The following RAPGEF6 variants were observed in gnomAD, a reference collection of about 807,000 sequenced individuals.
The protein encoded by RAPGEF6 is PDZ domain containing guanine nucleotide exchange factor (GEF) 2.
RAPGEF6 carries 56 observed loss-of-function variants against 171.4 expected under a neutral mutation model. The ratio of observed to expected loss-of-function variants is 0.33; its 90% confidence interval spans 0.26 to 0.41. The LOEUF (loss-of-function observed/expected upper bound fraction) is 0.41. Among genes scored for constraint, RAPGEF6 ranks in the 10% least tolerant of loss-of-function variants. RAPGEF6 has a pLI of 1.00. For missense variants in RAPGEF6, 1,674 were observed against 1,921.4 expected (o/e 0.87, Z 2.41); for synonymous variants, 692 against 650.1 (o/e 1.06, Z -0.98).
intron 19 of RAPGEF6, among the ~76,000 whole-genome samples, chr5:131,458,193 A>G (rs1006613423): frequency 6.6e-6 from 1 of 152,212 alleles, no homozygotes; most frequent in Non-Finnish European, 1.5e-5. Flanking sequence ...TGGAATTGTA[A>G]TCCCCACATG....
intron 12 of RAPGEF6, among the ~76,000 whole-genome samples, chr5:131,498,192 AT>A (rs1442743284): frequency 6.6e-6 from 1 of 152,202 alleles, no homozygotes; most frequent in Non-Finnish European, 1.5e-5. Context: ...TGTAACTATT[AT>A]GTTTCCTGAA....
At position 131,525,733 on chromosome 5, in the gene RAPGEF6, G is replaced by A. The variant is rs145753616; in HGVS notation, c.496-4212C>T. Among the ~76,000 whole-genome samples the A allele has an allele frequency of 1.6e-3, 247 of 152,204 alleles. 1 individual carries two copies. Among genetic ancestry groups the A allele is most frequent in the African/African-American group, 5.7e-3 (237 of 41,532 alleles). Reference sequence around the variant, plus strand: ...CACTGAAAATAGTTTCAAAATGTGTGGTGTTTGGTTGGGGTGTCAGGGGTA... The same window carrying A: ...CACTGAAAATAGTTTCAAAATGTGTAGTGTTTGGTTGGGGTGTCAGGGGTA... On this transcript the variant is annotated intron_variant, in intron 6 of 27. Coordinates refer to ENST00000509018, the MANE Select transcript of RAPGEF6 (RefSeq NM_016340.6).
At chr5:131,448,849 T>C (rs566539193) in intron 21 of RAPGEF6, among the ~76,000 whole-genome samples, 4 of 152,126 alleles carry the variant, frequency 2.6e-5, no homozygotes, top group African/African-American at 9.7e-5. Flanking sequence ...TTCTTTATAA[T>C]AGTAATGCCA....
intron 16 of RAPGEF6, among the ~76,000 whole-genome samples, chr5:131,479,261 T>A (rs1363434130): frequency 6.6e-6 from 1 of 151,920 alleles, no homozygotes; most frequent in African/African-American, 2.4e-5. Flanking sequence ...TATTTAAAAA[T>A]GGATTTCATA....
At chr5:131,620,123 C>T (rs1765515088) in intron 1 of RAPGEF6, among the ~76,000 whole-genome samples, 1 of 152,096 alleles carries the variant, frequency 6.6e-6, no homozygotes, top group Non-Finnish European at 1.5e-5. Context: ...ATTTTGGGTC[C>T]ATCTGCTCCA....
chr5:131,589,974 T>C (rs1285225229), intron 4 of RAPGEF6, among the ~76,000 whole-genome samples: 1 of 152,236 alleles, frequency 6.6e-6, no homozygotes, highest in Non-Finnish European at 1.5e-5. Context: ...GTCTCAACTC[T>C]AGTCGTGAGG....
Position 131,464,294 on chromosome 5 carries a change from A to G in RAPGEF6, c.2240-13T>C. On this transcript the variant is annotated splice_polypyrimidine_tract_variant and intron_variant, in intron 17 of 27. Transcript: ENST00000509018. Reference sequence around the variant, plus strand: ...TGATCAGGGATATCTACATAAATAGAAAGATATGCTTTGTTATTTTTTAAA... The same window carrying G: ...TGATCAGGGATATCTACATAAATAGGAAGATATGCTTTGTTATTTTTTAAA... 6.3e-7 allele frequency: 1 copy of G among 1,599,286 alleles called. No homozygotes were observed. The highest frequency in any genetic ancestry group is 8.6e-7 in the Non-Finnish European group (1 of 1,168,274).
chr5:131,572,224 G>A (rs1486454207), intron 4 of RAPGEF6, among the ~76,000 whole-genome samples: 5 of 152,042 alleles, frequency 3.3e-5, no homozygotes, highest in South Asian at 2.1e-4. Context: ...CTGTCCTCAC[G>A]CTCCCTCCGT....
chr5:131,618,516 C>G (rs1765410887), intron 1 of RAPGEF6, among the ~76,000 whole-genome samples: 1 of 151,942 alleles, frequency 6.6e-6, no homozygotes, highest in Non-Finnish European at 1.5e-5. Flanking sequence ...CACATGCCTG[C>G]AGACTCAGCT....
At chr5:131,482,721 T>A (rs1755575913) in intron 15 of RAPGEF6, among the ~76,000 whole-genome samples, 1 of 152,220 alleles carries the variant, frequency 6.6e-6, no homozygotes, top group South Asian at 2.1e-4. Context: ...ACAGTCAGTC[T>A]AAGACGCATA....
At chr5:131,468,110 G>A (rs1430632125) in intron 17 of RAPGEF6, among the ~76,000 whole-genome samples, 2 of 151,372 alleles carry the variant, frequency 1.3e-5, no homozygotes, top group Admixed American at 1.3e-4. Context: ...GGCGGATCAC[G>A]AGGTCAGGAG....
At chr5:131,478,160 T>C (rs1384227539) in intron 16 of RAPGEF6, among the ~76,000 whole-genome samples, 1 of 152,148 alleles carries the variant, frequency 6.6e-6, no homozygotes, top group Non-Finnish European at 1.5e-5. Flanking sequence ...AGTTCCAAAT[T>C]AAATGAGGAG....
intron 11 of RAPGEF6, among the ~76,000 whole-genome samples, chr5:131,499,761 TCAATTTGTTGCAGTCATCCAAA>T (rs988155000): frequency 1.3e-5 from 2 of 152,126 alleles, no homozygotes; most frequent in African/African-American, 4.8e-5. Flanking sequence ...CACCCAACCT[TCAATTTGTTGCAGTCATCCAAA>T]CAATTTCATT....
chr5:131,533,745 T>G (rs1038599504), intron 6 of RAPGEF6, among the ~76,000 whole-genome samples: 1 of 152,038 alleles, frequency 6.6e-6, no homozygotes, highest in African/African-American at 2.4e-5. Flanking sequence ...CATGGTACTT[T>G]CCTGTAGCCC....
chr5:131,603,232 TAA>T (rs1764357342), intron 3 of RAPGEF6, 37 bp downstream of exon 3: 1 of 1,417,248 alleles, frequency 7.1e-7, no homozygotes, highest in African/African-American at 1.4e-5. Flanking sequence ...AATTTAAACA[TAA>T]AAGTCATTAG....
At chr5:131,598,561 A>C (rs1264127441) in intron 3 of RAPGEF6, among the ~76,000 whole-genome samples, 1 of 152,222 alleles carries the variant, frequency 6.6e-6, no homozygotes, top group Non-Finnish European at 1.5e-5. Flanking sequence ...AGTCAGAGGA[A>C]AAAACATATT....
rs150101053 is a variant in RAPGEF6 at position 131,428,984 on chromosome 5, A to C, written c.4698T>G (p.Ile1566Met). The change falls in exon 27 of 28, where the codon ATT becomes ATG. Residue 1566 changes from isoleucine (I) to methionine (M), a missense_variant. By Grantham distance (10) the Ile-to-Met change is conservative. This residue lies in a region of RAPGEF6 where 552 missense variants were observed against 574.2 expected (regional missense o/e 0.96). Coordinates refer to ENST00000509018, the MANE Select transcript of RAPGEF6 (RefSeq NM_016340.6). ...SNLVACVPSK[I>M]VTQPQRHNLQ... is the part of the protein sequence containing the mutation. ...AATTATGCCTCTGAGGCTGAGTTAC[A>C]ATCTTCGATGGAACACAGGCCACGA... The C allele has an allele frequency of 4.8e-5, 77 of 1,614,108 alleles. No individual in the cohort carries two copies. The highest frequency in any genetic ancestry group is 5.1e-5 in the Non-Finnish European group (60 of 1,180,046).
intron 7 of RAPGEF6, among the ~76,000 whole-genome samples, chr5:131,520,416 T>C (rs907285302): frequency 7.9e-5 from 12 of 152,242 alleles, no homozygotes; most frequent in African/African-American, 2.9e-4. Context: ...GTTGTAATTA[T>C]AGTATTTGGT....
At chr5:131,579,335 C>T (rs1162164279) in intron 4 of RAPGEF6, among the ~76,000 whole-genome samples, 3 of 152,190 alleles carry the variant, frequency 2.0e-5, no homozygotes, top group African/African-American at 7.2e-5. Context: ...AACAAAGTTT[C>T]CACAGTGTGG....
Sources: gnomAD v4.1 joint callset for allele counts (sites outside exome capture counted in the v4.1 genomes callset) on GRCh38, gnomAD v4.1.1 for gene constraint, gnomAD v4.1.1 regional missense constraint, MANE v1.5 for transcripts, NCBI Gene and HGNC (gene_info 2026-07-23, HGNC 2026-07-21) for gene names.